PLOD2: variants seen among roughly 807,000 people sequenced by gnomAD.
PLOD2 encodes lysine hydroxylase 2.
In PLOD2, 65 loss-of-function variants were observed where a neutral mutation model predicts 101.0. The observed-to-expected ratio is 0.64, with a 90% CI of 0.53 to 0.79. The LOEUF (loss-of-function observed/expected upper bound fraction) is 0.79. PLOD2 is among the 30% of genes least tolerant of loss of function. PLOD2 has a pLI of 0.00. For synonymous variants in PLOD2, 314 were observed against 302.9 expected (o/e 1.04, Z -0.38); for missense variants, 909 against 914.6 (o/e 0.99, Z 0.08).
At chr3:146,101,333 G>A (rs1937382220) in intron 7 of PLOD2, among the ~76,000 whole-genome samples, 1 of 152,024 alleles carries the variant, frequency 6.6e-6, no homozygotes. Context: ...TAAGGATGAG[G>A]GTCACTACAT....
chr3:146,074,853 C>T (rs1049353277), intron 15 of PLOD2, among the ~76,000 whole-genome samples: 3 of 151,472 alleles, frequency 2.0e-5, no homozygotes, highest in South Asian at 2.1e-4. Context: ...AAGCATTTTG[C>T]TATGGGGTAT....
At chr3:146,117,887 T>C (rs748748749) in intron 3 of PLOD2, among the ~76,000 whole-genome samples, 5 of 151,782 alleles carry the variant, frequency 3.3e-5, no homozygotes, top group Non-Finnish European at 5.9e-5. Flanking sequence ...GAGAAAAAAA[T>C]AGGTCCCTCA....
At chr3:146,078,441 TA>T (rs555063112) in intron 13 of PLOD2, among the ~76,000 whole-genome samples, 60 of 152,002 alleles carry the variant, frequency 3.9e-4, no homozygotes, top group Admixed American at 7.9e-4. Context: ...AAATCGGAAA[TA>T]AAATAGCCCC....
intron 9 of PLOD2, among the ~76,000 whole-genome samples, chr3:146,087,966 G>A (rs1936840961): frequency 6.6e-6 from 1 of 151,610 alleles, no homozygotes; most frequent in Admixed American, 6.6e-5. Flanking sequence ...AGAGAAAATC[G>A]CACACTTCAC....
chr3:146,081,837 C>T lies in PLOD2; in HGVS notation c.1259G>A (p.Arg420His), dbSNP rs746480869. Reference sequence around the variant, plus strand: ...GAAATTGGACCACAGCTTTCCATGACGAGTTACAAGAGGAGCAATGATCTT... The same window carrying T: ...GAAATTGGACCACAGCTTTCCATGATGAGTTACAAGAGGAGCAATGATCTT... ...NRKIIAPLVT[R>H]HGKLWSNFWG... The change falls in exon 12 of 20, where the codon CGT (arginine) becomes CAT (histidine). Residue 420 changes from arginine to histidine, a missense_variant. Physicochemically the swap from Arg to His is conservative, Grantham distance 29. Transcript: ENST00000282903. 113 of 1,612,290 alleles carry T rather than the reference C, an allele frequency of 7.0e-5. No homozygotes were observed. Among genetic ancestry groups the T allele is most frequent in the Middle Eastern group, 4.9e-4 (3 of 6,080 alleles).
chr3:146,133,125 G>C (rs112387647), intron 1 of PLOD2, among the ~76,000 whole-genome samples: 3,669 of 152,216 alleles, frequency 0.024, 142 homozygotes, highest in African/African-American at 0.083. Context: ...GCAGTGAGCG[G>C]AGATCACGCC....
intron 1 of PLOD2, among the ~76,000 whole-genome samples, chr3:146,125,427 A>G (rs2030492151): frequency 6.6e-6 from 1 of 152,212 alleles, no homozygotes; most frequent in African/African-American, 2.4e-5. Context: ...ATAAACATCA[A>G]CATTCTTAGA....
At chr3:146,152,551 G>T (rs769629088) in intron 1 of PLOD2, among the ~76,000 whole-genome samples, 1 of 152,112 alleles carries the variant, frequency 6.6e-6, no homozygotes, top group Non-Finnish European at 1.5e-5. Flanking sequence ...GTCTACCCAT[G>T]GATCTCATGG....
intron 7 of PLOD2, among the ~76,000 whole-genome samples, chr3:146,096,970 C>T (rs1937201622): frequency 6.8e-6 from 1 of 146,990 alleles, no homozygotes; most frequent in African/African-American, 2.5e-5. Flanking sequence ...ACCCCTCTGC[C>T]CGGCCAGCCG....
At chr3:146,114,792 C>A (rs567431741) in intron 3 of PLOD2, among the ~76,000 whole-genome samples, 20 of 152,182 alleles carry the variant, frequency 1.3e-4, no homozygotes, top group Admixed American at 2.6e-4. Flanking sequence ...ACAGAAGAAT[C>A]CACACAGGGT....
At chr3:146,096,157 G>C (rs1403318984) in intron 7 of PLOD2, among the ~76,000 whole-genome samples, 2 of 148,802 alleles carry the variant, frequency 1.3e-5, no homozygotes, top group South Asian at 2.2e-4. Context: ...CCGAGGTGCC[G>C]GGATTGCAGA....
intron 1 of PLOD2, among the ~76,000 whole-genome samples, chr3:146,155,464 G>A (rs1356125185): frequency 1.3e-5 from 2 of 151,968 alleles, no homozygotes; most frequent in African/African-American, 4.8e-5. Flanking sequence ...TGCAATCCCA[G>A]CAGTTTGGGA....
intron 1 of PLOD2, among the ~76,000 whole-genome samples, chr3:146,149,918 A>G (rs1451016096): frequency 6.6e-6 from 1 of 152,112 alleles, no homozygotes; most frequent in Non-Finnish European, 1.5e-5. Flanking sequence ...TGGAAACAGT[A>G]GGAAAAATAG....
At chr3:146,081,489 C>A (rs554648959) in intron 12 of PLOD2, among the ~76,000 whole-genome samples, 1 of 152,206 alleles carries the variant, frequency 6.6e-6, no homozygotes, top group Admixed American at 6.5e-5. Flanking sequence ...GTATGGTAAA[C>A]ATATATTATC....
At position 146,069,457 on chromosome 3, in the gene PLOD2, T is replaced by A. The variant is rs920849653; in HGVS notation, c.*1260A>T. 3.9e-5 allele frequency: 6 copies of A among 152,132 alleles called. No homozygotes were observed. Among genetic ancestry groups the A allele is most frequent in the African/African-American group, 1.5e-4 (6 of 41,364 alleles). The allele number at this position is 152,132 out of a possible 1,614,324, so 9.4% of individuals were successfully genotyped here. On this transcript the variant is annotated 3_prime_UTR_variant, in exon 20 of 20. Transcript: ENST00000282903. ...AACAAAACTTTCTAAAATTATTTTATTTTTTATAATTTTCTAACACATGGT... is the reference window on the plus strand; with the variant it reads ...AACAAAACTTTCTAAAATTATTTTAATTTTTATAATTTTCTAACACATGGT...
chr3:146,134,920 A>T (rs1301604547), intron 1 of PLOD2, among the ~76,000 whole-genome samples: 1 of 152,212 alleles, frequency 6.6e-6, no homozygotes, highest in East Asian at 1.9e-4. Context: ...TGCCGAAATT[A>T]AAGCAATGAA....
At chr3:146,107,926 G>A (rs1356526398) in intron 4 of PLOD2, among the ~76,000 whole-genome samples, 2 of 151,972 alleles carry the variant, frequency 1.3e-5, no homozygotes, top group Admixed American at 6.6e-5. Flanking sequence ...TTAGAGGCGT[G>A]AGCCACCATG....
intron 1 of PLOD2, among the ~76,000 whole-genome samples, chr3:146,147,356 G>T (rs1180878216): frequency 6.6e-6 from 1 of 152,202 alleles, no homozygotes; most frequent in African/African-American, 2.4e-5. Context: ...TGACTGGATA[G>T]TGAGGAATCC....
At chr3:146,088,893 C>A (rs1318085299) in intron 8 of PLOD2, 182 bp from the exon 9 acceptor site, 3 of 575,596 alleles carry the variant, frequency 5.2e-6, no homozygotes, top group Non-Finnish European at 9.3e-6. Flanking sequence ...GTGGCCCCCC[C>A]AATCAAAGTG....
Sources: gnomAD v4.1 joint callset for allele counts (sites outside exome capture counted in the v4.1 genomes callset) on GRCh38, gnomAD v4.1.1 for gene constraint, MANE v1.5 for transcripts, NCBI Gene and HGNC (gene_info 2026-07-23, HGNC 2026-07-21) for gene names.